Variants in ZIM2 observed in about 807,000 individuals in gnomAD.
ZIM2 encodes the protein zinc finger protein 656.
ZIM2 carries 14 observed loss-of-function variants against 38.6 expected under a neutral mutation model. That is an observed-to-expected ratio of 0.36 (90% CI 0.24 to 0.57). ZIM2 has a LOEUF of 0.57. Ranked by LOEUF, ZIM2 falls within the 20% of genes least tolerant of loss-of-function variation. The pLI, the probability that ZIM2 is intolerant of heterozygous loss-of-function variation, is 0.81. For synonymous variants in ZIM2, 247 were observed against 245.8 expected (o/e 1.00, Z -0.04); for missense variants, 680 against 695.1 (o/e 0.98, Z 0.24).
intron 9 of ZIM2, chr19:56,810,379 C>A: frequency 1.0e-6 from 1 of 985,384 alleles, no homozygotes; most frequent in Non-Finnish European, 1.2e-6. Context: ...CATAATCCCA[C>A]AACAACCACA....
At chr19:56,794,905 C>T (rs2047116842) in intron 9 of ZIM2, among the ~76,000 whole-genome samples, 1 of 152,200 alleles carries the variant, frequency 6.6e-6, no homozygotes, top group Non-Finnish European at 1.5e-5. Flanking sequence ...GTCAATTAGA[C>T]AGATTGAAAA....
At chr19:56,840,186 C>T (rs1601368689) in intron 1 of ZIM2, among the ~76,000 whole-genome samples, 2 of 152,218 alleles carry the variant, frequency 1.3e-5, no homozygotes, top group South Asian at 4.1e-4. Flanking sequence ...TGGTGTCGAC[C>T]TTGCTGGACT....
chr19:56,810,115 A>G, intron 9 of ZIM2: 1 of 950,372 alleles, frequency 1.1e-6, no homozygotes. Flanking sequence ...TGTTGACACT[A>G]TTACAGATAG....
At chr19:56,827,842 A>G (rs746712534) in intron 2 of ZIM2, among the ~76,000 whole-genome samples, 1 of 152,192 alleles carries the variant, frequency 6.6e-6, no homozygotes, top group Non-Finnish European at 1.5e-5. Context: ...GCATTCTCAG[A>G]AACTAAAAAA....
At chr19:56,782,173 C>A in intron 10 of ZIM2, 52 bp from the exon 11 acceptor site, 1 of 1,585,012 alleles carries the variant, frequency 6.3e-7, no homozygotes. Context: ...GAACATGATG[C>A]AGGCATTCAG....
In ZIM2 at chr19:56,814,268, C is replaced by G. The variant is rs200313795; in HGVS notation, c.490+3478G>C. 3 of 1,613,698 alleles carry G rather than the reference C, an allele frequency of 1.9e-6. No homozygotes were observed. In the Admixed American group the frequency reaches 5.0e-5, roughly 27 times the overall value. On this transcript the variant is annotated intron_variant, in intron 9 of 12. Coordinates refer to ENST00000629319, the MANE Select transcript of ZIM2 (RefSeq NM_001387356.1). This position sits in a 1 kb window ranked among gnomAD's most constrained non-coding sequence, Gnocchi z 5.8. ...TCCACTTCTGGCTCAGCAGCCTCTA[C>G]GTTTAAGCCCTGAATCCTCAGAACT... is the stretch of plus-strand genomic sequence containing the variant.
chr19:56,776,849 A>T (rs945604447), intron 12 of ZIM2, among the ~76,000 whole-genome samples: 1 of 152,126 alleles, frequency 6.6e-6, no homozygotes, highest in Non-Finnish European at 1.5e-5. Context: ...GAGTTTATAT[A>T]AAACAGCCTG....
chr19:56,782,945 T>C (rs1201189715), intron 10 of ZIM2, among the ~76,000 whole-genome samples: 1 of 152,112 alleles, frequency 6.6e-6, no homozygotes, highest in East Asian at 1.9e-4. Flanking sequence ...GTGCTATCAA[T>C]AGTAGGTCTT....
chr19:56,837,320 C>T (rs576428187), intron 1 of ZIM2, among the ~76,000 whole-genome samples: 1 of 152,264 alleles, frequency 6.6e-6, no homozygotes, highest in East Asian at 1.9e-4. Flanking sequence ...CAGGACCACC[C>T]GCAGCCCTGA....
chr19:56,824,584 G>A (rs368066738), intron 3 of ZIM2, 157 bp from the exon 4 acceptor site: 9 of 1,614,106 alleles, frequency 5.6e-6, no homozygotes, highest in African/African-American at 2.7e-5. Flanking sequence ...TCAAGTCACT[G>A]TCTAGCTCAT....
At chr19:56,821,627 GA>G in intron 7 of ZIM2, 23 bp downstream of exon 7, 1 of 1,611,160 alleles carries the variant, frequency 6.2e-7, no homozygotes, top group Non-Finnish European at 8.5e-7. Flanking sequence ...GGCCTTTCTA[GA>G]AAGAGAGGAA....
chr19:56,835,706 G>C (rs969813607), intron 2 of ZIM2, among the ~76,000 whole-genome samples: 1 of 152,190 alleles, frequency 6.6e-6, no homozygotes, highest in Non-Finnish European at 1.5e-5. Flanking sequence ...GTACACACTT[G>C]ATCAATATTC....
intron 1 of ZIM2, among the ~76,000 whole-genome samples, chr19:56,836,545 C>T (rs1348356912): frequency 6.6e-6 from 1 of 152,166 alleles, no homozygotes; most frequent in Non-Finnish European, 1.5e-5. Flanking sequence ...TAGTCCAAGT[C>T]CCACTGCACC....
rs762258039 is a variant in ZIM2 at position 56,818,660 on chromosome 19, T to G, written c.337A>C (p.Arg113=). Residue 113 remains arginine (R), a synonymous_variant, in exon 8 of 13, where the codon AGG becomes CGG. Transcript: ENST00000629319. ...YQNVVDLAED[R]KPHNTIQDNM... ...TCCTGGATTGTGTTGTGAGGTTTCCTGTCCTCAGCGAGGTCCACCACATTT... is the reference window on the plus strand; with the variant it reads ...TCCTGGATTGTGTTGTGAGGTTTCCGGTCCTCAGCGAGGTCCACCACATTT... The G allele has an allele frequency of 6.2e-7, 1 of 1,614,204 alleles. No homozygotes were observed. The highest frequency in any genetic ancestry group is 8.5e-7 in the Non-Finnish European group (1 of 1,180,046).
chr19:56,818,728 A>G lies in ZIM2; in HGVS notation c.295-26T>C, dbSNP rs200843630. 1.1e-5 allele frequency: 17 copies of G among 1,605,494 alleles called. No homozygotes were observed. In the African/African-American group the frequency reaches 2.1e-4, roughly 20 times the overall value. ...CTAAAACAGCAAACACAGACCTCTC[A>G]ATGGAGTCTGTCCCCACCGATGTTC... is the stretch of plus-strand genomic sequence containing the variant. On this transcript the variant is annotated intron_variant, in intron 7 of 12. Coordinates refer to ENST00000629319, the MANE Select transcript of ZIM2 (RefSeq NM_001387356.1).
chr19:56,822,445 T>C (rs1304011962), intron 6 of ZIM2: 4 of 322,138 alleles, frequency 1.2e-5, no homozygotes, highest in African/African-American at 2.1e-5. Flanking sequence ...TGGCACTTCA[T>C]ACTAGTTTTC....
chr19:56,816,169 T>C (rs1194702039), intron 9 of ZIM2: 1 of 1,614,046 alleles, frequency 6.2e-7, no homozygotes, highest in Admixed American at 1.7e-5. Context: ...CTTCTGGTTT[T>C]CATAGGGGTT....
intron 3 of ZIM2, among the ~76,000 whole-genome samples, chr19:56,825,716 A>G (rs1040144189): frequency 3.9e-5 from 6 of 152,210 alleles, no homozygotes; most frequent in African/African-American, 1.4e-4. Context: ...CTGGGAGCAT[A>G]AACTACCTAC....
chr19:56,821,912 T>C (rs1220980556), intron 6 of ZIM2, among the ~76,000 whole-genome samples, 158 bp from the exon 7 acceptor site: 1 of 151,870 alleles, frequency 6.6e-6, no homozygotes, highest in Non-Finnish European at 1.5e-5. Flanking sequence ...AGGAGTCCCA[T>C]AAAACCAGTG....
Sources: allele counts gnomAD v4.1 joint callset (sites outside exome capture counted in the v4.1 genomes callset), GRCh38; gene constraint gnomAD v4.1.1; non-coding constraint Gnocchi (gnomAD v3.1); transcripts MANE v1.5; gene names NCBI Gene and HGNC (gene_info 2026-07-23, HGNC 2026-07-21).